Variants in PI15 observed in about 807,000 individuals in gnomAD.
PI15 encodes the protein 25 kDa trypsin inhibitor.
Under a neutral mutation model 31.0 loss-of-function variants are expected in PI15, and 18 were observed. That is an observed-to-expected ratio of 0.58 (90% CI 0.40 to 0.86). The LOEUF (loss-of-function observed/expected upper bound fraction) is 0.86, where lower values mean the gene tolerates loss of function less well. Ranked by LOEUF, PI15 falls within the 40% of genes least tolerant of loss-of-function variation. The probability of loss-of-function intolerance (pLI) is 0.00; values close to 1 mark genes in which losing one functional copy is unlikely to be tolerated. For missense variants in PI15, 282 were observed against 328.1 expected, an observed-to-expected ratio of 0.86 and a Z score of 1.09; for synonymous variants, 118 against 119.1, an observed-to-expected ratio of 0.99 and a Z score of 0.06.
At chr8:74,836,868 G>A (rs925078099) in intron 2 of PI15, among the ~76,000 whole-genome samples, 1 of 152,144 alleles carries the variant, frequency 6.6e-6, no homozygotes, top group Non-Finnish European at 1.5e-5. Flanking sequence ...AGAGAATGCG[G>A]AAAGCAAAAC....
At chr8:74,827,048 T>C (rs1483953828) in intron 2 of PI15, among the ~76,000 whole-genome samples, 1 of 152,064 alleles carries the variant, frequency 6.6e-6, no homozygotes, top group Non-Finnish European at 1.5e-5. Flanking sequence ...TAAGATACCA[T>C]GCAAGCTCAG....
chr8:74,827,022 A>G (rs1810710016), intron 2 of PI15, among the ~76,000 whole-genome samples: 1 of 152,130 alleles, frequency 6.6e-6, no homozygotes, highest in Admixed American at 6.6e-5. Context: ...TACTAAAATG[A>G]TGAAATAAAT....
chr8:74,830,454 C>A (rs1810765311), intron 2 of PI15, among the ~76,000 whole-genome samples: 1 of 151,974 alleles, frequency 6.6e-6, no homozygotes, highest in Admixed American at 6.6e-5. Flanking sequence ...CAAATCACAG[C>A]AGGTAGTAAA....
Position 74,854,769 on chromosome 8 carries a change from T to C in PI15, c.*5516T>C, listed in dbSNP as rs1811156978. 1 of 152,126 alleles carries C rather than the reference T, an allele frequency of 6.6e-6. No homozygotes were observed. The highest frequency in any genetic ancestry group is 1.9e-4 in the East Asian group (1 of 5,192). 9.4% of individuals were successfully genotyped at this position (152,126 alleles called of 1,614,324 possible). Reference sequence around the variant, plus strand: ...ATATATAAACACTATTTTTAAAAAATATCTAAATATGTCTCACATATTTAT... The same window carrying C: ...ATATATAAACACTATTTTTAAAAAACATCTAAATATGTCTCACATATTTAT... On this transcript the variant is annotated 3_prime_UTR_variant, in exon 6 of 6. Coordinates refer to ENST00000260113, the MANE Select transcript of PI15 (RefSeq NM_015886.5).
At chr8:74,834,764 T>G (rs983807523) in intron 2 of PI15, among the ~76,000 whole-genome samples, 1 of 152,148 alleles carries the variant, frequency 6.6e-6, no homozygotes, top group Non-Finnish European at 1.5e-5. Flanking sequence ...TTACAACATG[T>G]GTGTGTTCTT....
rs137903207 is a variant in PI15, at chr8:74,835,620, C to G, written c.274-8361C>G. Among the ~76,000 whole-genome samples the G allele has an allele frequency of 3.2e-3, 493 of 152,308 alleles. 2 individuals are homozygous for G. The highest frequency in any genetic ancestry group is 0.011 in the African/African-American group (469 of 41,564). On this transcript the variant is annotated intron_variant, in intron 2 of 5. Coordinates refer to ENST00000260113, the MANE Select transcript of PI15 (RefSeq NM_015886.5). ...CACTTGACTATTCATTCAGCACCTA[C>G]TTCTAGAAAACATGTGAGCACTATG...
intron 5 of PI15, among the ~76,000 whole-genome samples, chr8:74,847,757 A>T (rs1215082940): frequency 6.6e-6 from 1 of 152,168 alleles, no homozygotes; most frequent in African/African-American, 2.4e-5. Context: ...TGGTTGATCA[A>T]GATATTTTCA....
intron 2 of PI15, among the ~76,000 whole-genome samples, chr8:74,839,332 A>C (rs1451846956): frequency 6.6e-6 from 1 of 152,190 alleles, no homozygotes; most frequent in Non-Finnish European, 1.5e-5. Flanking sequence ...TTATGAGCTG[A>C]CCAACTGAAT....
intron 5 of PI15, among the ~76,000 whole-genome samples, chr8:74,846,923 G>A (rs1374507066): frequency 1.3e-5 from 2 of 151,934 alleles, no homozygotes; most frequent in African/African-American, 2.4e-5. Flanking sequence ...GTATAAATTG[G>A]CTGATTCACT....
Position 74,851,262 on chromosome 8 carries a change from G to A in PI15, c.*2009G>A, listed in dbSNP as rs952945204. On this transcript the variant is annotated 3_prime_UTR_variant, in exon 6 of 6. Coordinates refer to ENST00000260113, the MANE Select transcript of PI15 (RefSeq NM_015886.5). ...TTCTAATATATCTAAACAATTGAAAGGGAAGCTTATTCATGGAATATTGGC... is the reference window on the plus strand; with the variant it reads ...TTCTAATATATCTAAACAATTGAAAAGGAAGCTTATTCATGGAATATTGGC... The A allele has an allele frequency of 6.6e-6, 1 of 152,048 alleles. No individual in the cohort carries two copies. Among genetic ancestry groups the A allele is most frequent in the Non-Finnish European group, 1.5e-5 (1 of 67,956 alleles). The allele number at this position is 152,048 out of a possible 1,614,324, so 9.4% of individuals were successfully genotyped here. A position where few individuals can be genotyped will look rare whatever the true frequency, so the allele number is the denominator to read the frequency against.
intron 5 of PI15, among the ~76,000 whole-genome samples, chr8:74,847,216 C>T (rs1336884991): frequency 2.0e-5 from 3 of 151,954 alleles, no homozygotes; most frequent in African/African-American, 7.3e-5. Context: ...GAGGCTGAGG[C>T]GGGTGGATCA....
rs992875769 is a variant in PI15 at position 74,848,630 on chromosome 8, C to T, written c.642-488C>T. Among the ~76,000 whole-genome samples, 10 of 149,994 alleles carry T rather than the reference C, an allele frequency of 6.7e-5. No homozygotes were observed. The East Asian group carries it at 7.8e-4, about 12-fold the overall frequency. On this transcript the variant is annotated intron_variant, in intron 5 of 5. Transcript: ENST00000260113. Reference sequence around the variant, plus strand: ...TGTCCCAGGGCTCTGTATCATCAGGCGTTGTAGGCATTCACTTCTTATCTG... The same window carrying T: ...TGTCCCAGGGCTCTGTATCATCAGGTGTTGTAGGCATTCACTTCTTATCTG...
At chr8:74,840,189 T>C (rs988929029) in intron 2 of PI15, among the ~76,000 whole-genome samples, 1 of 152,198 alleles carries the variant, frequency 6.6e-6, no homozygotes, top group East Asian at 1.9e-4. Flanking sequence ...ATCAGTGTAA[T>C]TGGGATAGCT....
At position 74,849,268 on chromosome 8, in the gene PI15, C is replaced by T. The variant is rs371348737; in HGVS notation, c.*15C>T. 2 of 1,599,996 alleles carry T rather than the reference C, an allele frequency of 1.3e-6. No individual in the cohort carries two copies. The highest frequency in any genetic ancestry group is 2.2e-5 in the East Asian group (1 of 44,540). ...GGTTTAAATAAGTTTACCTTTTCCT[C>T]CAGGAAATATAATGATTTCTGGGAA... On this transcript the variant is annotated 3_prime_UTR_variant, in exon 6 of 6. Transcript: ENST00000260113.
At chr8:74,835,059 G>A (rs1810842737) in intron 2 of PI15, among the ~76,000 whole-genome samples, 1 of 152,004 alleles carries the variant, frequency 6.6e-6, no homozygotes, top group South Asian at 2.1e-4. Context: ...CCACTTATAT[G>A]CTGATGATGT....
chr8:74,844,467 GTGTA>G (rs1810992611), intron 3 of PI15, among the ~76,000 whole-genome samples: 2 of 147,014 alleles, frequency 1.4e-5, no homozygotes, highest in Admixed American at 6.7e-5. Flanking sequence ...GTGTGTGTGT[GTGTA>G]TGCATATGAG....
intron 2 of PI15, among the ~76,000 whole-genome samples, chr8:74,827,580 C>T (rs1381606901): frequency 6.6e-6 from 1 of 152,036 alleles, no homozygotes; most frequent in African/African-American, 2.4e-5. Flanking sequence ...ACGAGTAGGC[C>T]AAAGTGGTAA....
chr8:74,839,432 A>G (rs1810914019), intron 2 of PI15, among the ~76,000 whole-genome samples: 1 of 152,160 alleles, frequency 6.6e-6, no homozygotes, highest in Non-Finnish European at 1.5e-5. Context: ...ATTATGAACC[A>G]TTTTTATTTT....
Position 74,844,047 on chromosome 8 carries a change from C to G in PI15, c.340C>G (p.Pro114Ala). The G allele has an allele frequency of 6.2e-7, 1 of 1,607,990 alleles. No homozygotes were observed. The highest frequency in any genetic ancestry group is 8.5e-7 in the Non-Finnish European group (1 of 1,174,404). The stretch of plus-strand genomic sequence containing the variant: ...GGCTACTTGCATTTGGGACCATGGA[C>G]CTTCTTACTTACTGAGATTTTTGGG... Reference protein sequence around the residue: ...WAATCIWDHGPSYLLRFLGQN... With the variant: ...WAATCIWDHGASYLLRFLGQN... The change falls in exon 3 of 6, where the codon CCT becomes GCT. Residue 114 changes from proline (P) to alanine (A), a missense_variant. By Grantham distance (27) the Pro-to-Ala change is conservative (BLOSUM62 -1). Transcript: ENST00000260113.
Sources: gnomAD v4.1 joint callset for allele counts (sites outside exome capture counted in the v4.1 genomes callset) on GRCh38, gnomAD v4.1.1 for gene constraint, MANE v1.5 for transcripts, NCBI Gene and HGNC (gene_info 2026-07-23, HGNC 2026-07-21) for gene names.